The following PTK2 variants were observed in gnomAD, a reference collection of about 807,000 sequenced individuals.
PTK2 encodes protein tyrosine kinase 2, also known as focal adhesion kinase 1.
PTK2 carries 45 observed loss-of-function variants against 150.1 expected under a neutral mutation model. That is an observed-to-expected ratio of 0.30 (90% CI 0.24 to 0.38). The LOEUF is 0.38. PTK2 is among the 10% of genes least tolerant of loss of function. The pLI, the probability that PTK2 is intolerant of heterozygous loss-of-function variation, is 1.00. For synonymous variants in PTK2, 432 were observed against 449.2 expected, an observed-to-expected ratio of 0.96 and a Z score of 0.48; for missense variants, 919 against 1,307.3, an observed-to-expected ratio of 0.70 and a Z score of 4.58.
intron 4 of PTK2, among the ~76,000 whole-genome samples, chr8:140,874,543 T>C (rs988971782): frequency 2.0e-5 from 3 of 151,910 alleles, no homozygotes; most frequent in Non-Finnish European, 1.5e-5. Context: ...AATACAGGAG[T>C]AGAGAAGAAA....
At chr8:140,676,242 G>A (rs1432944940) in intron 27 of PTK2, among the ~76,000 whole-genome samples, 1 of 152,072 alleles carries the variant, frequency 6.6e-6, no homozygotes. Flanking sequence ...TGGGCGTGGT[G>A]GTACGTGGGT....
At chr8:140,661,211 A>T (rs2079343243) in intron 31 of PTK2, among the ~76,000 whole-genome samples, 1 of 152,154 alleles carries the variant, frequency 6.6e-6, no homozygotes, top group Non-Finnish European at 1.5e-5. Context: ...TAAGAAGGAG[A>T]ATGACAAAAT....
chr8:140,825,919 G>C (rs2100111501), intron 8 of PTK2, among the ~76,000 whole-genome samples: 1 of 152,170 alleles, frequency 6.6e-6, no homozygotes, highest in Admixed American at 6.5e-5. Context: ...ACATCAACGA[G>C]ACGGAAATTA....
chr8:140,881,322 A>G (rs1476591604), intron 3 of PTK2, among the ~76,000 whole-genome samples: 2 of 152,288 alleles, frequency 1.3e-5, no homozygotes, highest in Non-Finnish European at 2.9e-5. Context: ...CCTTTTAACA[A>G]TTCTCTCAGA....
chr8:140,846,708 CT>C (rs763283307), intron 5 of PTK2, 30 bp from the exon 6 acceptor site: 2 of 1,526,082 alleles, frequency 1.3e-6, no homozygotes, highest in South Asian at 2.3e-5. Context: ...AAAAACAACA[CT>C]GTTTTAAAAG....
At chr8:140,734,617 A>G (rs1278465093) in intron 22 of PTK2, 22 of 429,390 alleles carry the variant, frequency 5.1e-5, no homozygotes, top group Non-Finnish European at 7.5e-5. Flanking sequence ...CAGGGGTTTA[A>G]CAGTACCTGG....
chr8:140,744,802 AAAAG>A, intron 18 of PTK2, 35 bp from the exon 22 acceptor site: 1 of 1,315,322 alleles, frequency 7.6e-7, no homozygotes, highest in South Asian at 1.3e-5. Flanking sequence ...AAAAAAAAAA[AAAAG>A]AATTAGTGGC....
At chr8:140,723,271 A>G (rs942393640) in intron 22 of PTK2, among the ~76,000 whole-genome samples, 3 of 152,230 alleles carry the variant, frequency 2.0e-5, no homozygotes, top group Non-Finnish European at 2.9e-5. Flanking sequence ...AGACACTTTG[A>G]TATTTAATTA....
chr8:140,735,390 C>T (rs758344271), exon 22 of PTK2: 2 of 1,614,126 alleles, frequency 1.2e-6, no homozygotes. Flanking sequence ...CGACCGATTA[C>T]ATCATTGTTC....
chr8:140,808,500 G>T (rs891222760), intron 10 of PTK2, among the ~76,000 whole-genome samples: 1 of 151,988 alleles, frequency 6.6e-6, no homozygotes, highest in Non-Finnish European at 1.5e-5. Flanking sequence ...TATTTTCAAG[G>T]AACATTTATA....
intron 1 of PTK2, among the ~76,000 whole-genome samples, chr8:140,993,135 A>AT (rs890682454): frequency 6.6e-6 from 1 of 152,136 alleles, no homozygotes; most frequent in Non-Finnish European, 1.5e-5. Context: ...GCAGAGCAAT[A>AT]TTTTTTTCCT....
intron 5 of PTK2, among the ~76,000 whole-genome samples, chr8:140,853,320 C>T: frequency 6.7e-6 from 1 of 148,498 alleles, no homozygotes. Flanking sequence ...ACGTATATAT[C>T]CTAATGCTAT....
intron 1 of PTK2, among the ~76,000 whole-genome samples, chr8:140,951,031 G>C (rs1310679929): frequency 6.6e-6 from 1 of 151,936 alleles, no homozygotes; most frequent in Admixed American, 6.6e-5. Context: ...TATCTCAGCT[G>C]TGCTCATCTG....
intron 5 of PTK2, among the ~76,000 whole-genome samples, chr8:140,847,812 A>T (rs1244887098): frequency 2.6e-5 from 4 of 152,150 alleles, no homozygotes; most frequent in Non-Finnish European, 5.9e-5. Context: ...CCTGTTCTTC[A>T]ATGACTGCCT....
At chr8:140,943,134 T>A (rs1177058440) in intron 1 of PTK2, among the ~76,000 whole-genome samples, 4 of 152,184 alleles carry the variant, frequency 2.6e-5, no homozygotes, top group Non-Finnish European at 5.9e-5. Flanking sequence ...CTTGGGTATT[T>A]CTTTATACCA....
chr8:140,737,966 T>A (rs1249479307), intron 21 of PTK2, among the ~76,000 whole-genome samples: 1 of 152,196 alleles, frequency 6.6e-6, no homozygotes, highest in African/African-American at 2.4e-5. Context: ...TACCTAGTTA[T>A]CTATGGGGGC....
chr8:140,742,733 G>A (rs181322415), intron 20 of PTK2, among the ~76,000 whole-genome samples: 4 of 152,240 alleles, frequency 2.6e-5, no homozygotes, highest in East Asian at 1.9e-4. Flanking sequence ...AGTTTTAAGA[G>A]TTCCTTTTAT....
intron 27 of PTK2, among the ~76,000 whole-genome samples, chr8:140,682,990 G>A (rs11995049): frequency 0.41 from 62,637 of 151,874 alleles, 13,606 homozygotes; most frequent in Non-Finnish European, 0.49. Context: ...GAAAACAAGA[G>A]ATACCCAAAA....
intron 12 of PTK2, among the ~76,000 whole-genome samples, chr8:140,797,176 T>C (rs369037384): frequency 6.6e-6 from 1 of 152,160 alleles, no homozygotes; most frequent in Admixed American, 6.5e-5. Context: ...CAGTGGTGGT[T>C]ATCAGGTTTC....
Sources: allele counts gnomAD v4.1 joint callset (sites outside exome capture counted in the v4.1 genomes callset), GRCh38; gene constraint gnomAD v4.1.1; transcripts MANE v1.5; gene names NCBI Gene and HGNC (gene_info 2026-07-23, HGNC 2026-07-21).